TSHZ1: variants seen among roughly 807,000 people sequenced by gnomAD.
TSHZ1 encodes teashirt homolog 1.
TSHZ1 carries 12 observed loss-of-function variants against 67.1 expected under a neutral mutation model. The observed-to-expected ratio is 0.18, with a 90% CI of 0.11 to 0.29. TSHZ1 has a LOEUF of 0.29. TSHZ1 is among the 10% of genes least tolerant of loss of function. The pLI, the probability that TSHZ1 is intolerant of heterozygous loss-of-function variation, is 1.00. For missense variants in TSHZ1, 1,305 were observed against 1,413.9 expected (o/e 0.92, Z 1.23); for synonymous variants, 632 against 622.4 (o/e 1.02, Z -0.23).
At position 75,218,689 on chromosome 18, in the gene TSHZ1, G is replaced by A. The variant is rs1866731; in HGVS notation, c.40+6773G>A. On this transcript the variant is annotated intron_variant, in intron 1 of 1. Transcript: ENST00000580243. ...TTCCACCCTAGCAGCCTGCACCCAC[G>A]TCAGTTCTTATTGTTTTCTTGGTTC... 4.4e-3 allele frequency among the ~76,000 whole-genome samples: 663 copies of A among 152,334 alleles called. 7 individuals are homozygous for A. The highest frequency in any genetic ancestry group is 0.013 in the African/African-American group (520 of 41,580).
Position 75,288,086 on chromosome 18 carries a change from C to T in TSHZ1, c.2679C>T (p.Asn893=), listed in dbSNP as rs2122628127. 3 of 1,613,560 alleles carry T rather than the reference C, an allele frequency of 1.9e-6. No individual in the cohort carries two copies. The highest frequency in any genetic ancestry group is 2.5e-6 in the Non-Finnish European group (3 of 1,179,992). The change falls in exon 2 of 2, where the codon AAC becomes AAT. Residue 893 remains asparagine, a synonymous_variant. Transcript: ENST00000580243. The surrounding 1 kb of genome is among the most constrained non-coding windows in gnomAD (Gnocchi z 4.9). ...GGAAGGGCCGGCAGTCCAACTGGAA[C>T]CCGCAGCACCTTCTCATCCTGCAGG... is the stretch of plus-strand genomic sequence containing the variant. The part of the protein sequence containing the change: ...HKRKGRQSNW[N]PQHLLILQAQ...
intron 1 of TSHZ1, among the ~76,000 whole-genome samples, chr18:75,245,992 C>T (rs2023216784): frequency 2.0e-5 from 3 of 152,176 alleles, no homozygotes; most frequent in Non-Finnish European, 2.9e-5. Context: ...CAAATAAGTG[C>T]CAGGGGAGCG....
rs776426456 is a variant in TSHZ1, at chr18:75,285,702, G to T, written c.295G>T (p.Asp99Tyr). Residue 99 changes from aspartate (D) to tyrosine (Y), a missense_variant, in exon 2 of 2, where the codon GAT becomes TAT. Physicochemically the swap from Asp to Tyr is radical, Grantham distance 160. This residue lies in a region of TSHZ1 where 358 missense variants were observed against 375.6 expected (regional missense o/e 0.95). Coordinates refer to ENST00000580243, the MANE Select transcript of TSHZ1 (RefSeq NM_001308210.2). ...KGSSSREEKE[D>Y]PQCPDSVSYP... ...CTCTTCCTCTCGAGAAGAGAAGGAGGATCCGCAGTGTCCCGACAGCGTCTC... is the reference window on the plus strand; with the variant it reads ...CTCTTCCTCTCGAGAAGAGAAGGAGTATCCGCAGTGTCCCGACAGCGTCTC... 1.2e-6 allele frequency: 2 copies of T among 1,614,102 alleles called. No homozygotes were observed. Among genetic ancestry groups the T allele is most frequent in the Non-Finnish European group, 8.5e-7 (1 of 1,179,996 alleles).
chr18:75,250,511 T>C (rs7226918), intron 1 of TSHZ1, among the ~76,000 whole-genome samples: 114,779 of 151,800 alleles, frequency 0.76, 43,704 homozygotes, highest in South Asian at 0.84. Flanking sequence ...GACGGGGCGG[T>C]GCGGGCTGGC....
intron 1 of TSHZ1, among the ~76,000 whole-genome samples, chr18:75,260,170 C>A (rs2023413003): frequency 6.6e-6 from 1 of 152,266 alleles, no homozygotes; most frequent in South Asian, 2.1e-4. Flanking sequence ...TGCCCCAGGC[C>A]AGCCTCTTAG....
At chr18:75,264,970 A>G (rs2023473079) in intron 1 of TSHZ1, among the ~76,000 whole-genome samples, 1 of 152,312 alleles carries the variant, frequency 6.6e-6, no homozygotes, top group East Asian at 1.9e-4. Flanking sequence ...AGCACAAAAC[A>G]AGTGTTATTA....
At position 75,289,073 on chromosome 18, in the gene TSHZ1, A is replaced by G. The variant is rs916508406; in HGVS notation, c.*432A>G. On this transcript the variant is annotated 3_prime_UTR_variant, in exon 2 of 2. Coordinates refer to ENST00000580243, the MANE Select transcript of TSHZ1 (RefSeq NM_001308210.2). ...TTGCATTTCTGTGCCTTTCACTTGA[A>G]AAAAAAAAAAGAAGAAAAAAAGGCT... The G allele has an allele frequency of 6.1e-6, 1 of 163,956 alleles. No individual in the cohort carries two copies. The highest frequency in any genetic ancestry group is 2.4e-5 in the African/African-American group (1 of 40,900). 10.2% of individuals were successfully genotyped at this position (163,956 alleles called of 1,614,324 possible).
At chr18:75,246,403 G>GGTGTGTGTGTGTGTGTGT (rs74178999) in intron 1 of TSHZ1, among the ~76,000 whole-genome samples, 9,078 of 108,284 alleles carry the variant, frequency 0.084, 957 homozygotes, top group Non-Finnish European at 0.097. Context: ...TTTGGTTTCT[G>GGTGTGTGTGTGTGTGTGT]GTGTGTGTGT....
At chr18:75,278,358 G>T (rs2023640839) in intron 1 of TSHZ1, among the ~76,000 whole-genome samples, 1 of 152,340 alleles carries the variant, frequency 6.6e-6, no homozygotes, top group South Asian at 2.1e-4. Flanking sequence ...TAGTACGGAG[G>T]CCAAGGTGCT....
intron 1 of TSHZ1, among the ~76,000 whole-genome samples, chr18:75,248,160 C>T (rs2023247547): frequency 6.6e-6 from 1 of 152,186 alleles, no homozygotes; most frequent in Non-Finnish European, 1.5e-5. Context: ...CTGTATCCAT[C>T]AGGCAGACAA....
chr18:75,231,401 G>C (rs2022997151), intron 1 of TSHZ1, among the ~76,000 whole-genome samples: 1 of 152,350 alleles, frequency 6.6e-6, no homozygotes, highest in African/African-American at 2.4e-5. Context: ...CTTCTCCCCA[G>C]ATCTTTGTAT....
At chr18:75,243,035 C>T (rs1287807395) in intron 1 of TSHZ1, among the ~76,000 whole-genome samples, 5 of 152,092 alleles carry the variant, frequency 3.3e-5, no homozygotes, top group Admixed American at 6.5e-5. Context: ...GGGATGGGGC[C>T]GGTGAGGTCT....
In TSHZ1 at chr18:75,287,178, C is replaced by G. The variant is rs747435496; in HGVS notation, c.1771C>G (p.Pro591Ala). ...AAYQLPGTVKPLPAAVQSVQV... is the reference protein window; with the variant it reads ...AAYQLPGTVKALPAAVQSVQV... ...CTACCAGCTCCCGGGCACCGTGAAG[C>G]CACTGCCGGCGGCCGTGCAGAGCGT... The change falls in exon 2 of 2, where the codon CCA becomes GCA. Residue 591 changes from proline to alanine, a missense_variant. This residue lies in a region of TSHZ1 where 909 missense variants were observed against 961.8 expected (regional missense o/e 0.95). Transcript: ENST00000580243. This position sits in a 1 kb window ranked among gnomAD's most constrained non-coding sequence, Gnocchi z 5.0. 11 of 1,613,560 alleles carry G rather than the reference C, an allele frequency of 6.8e-6. No individual in the cohort carries two copies. Among genetic ancestry groups the G allele is most frequent in the East Asian group, 2.2e-5 (1 of 44,872 alleles).
At chr18:75,235,321 C>T (rs9949463) in intron 1 of TSHZ1, among the ~76,000 whole-genome samples, 6,817 of 152,230 alleles carry the variant, frequency 0.045, 223 homozygotes, top group African/African-American at 0.095. Flanking sequence ...GCCGGTCGTA[C>T]GTTGATGCCA....
Position 75,285,676 on chromosome 18 carries a change from G to A in TSHZ1, c.269G>A (p.Gly90Asp). 2 of 1,614,064 alleles carry A rather than the reference G, an allele frequency of 1.2e-6. No individual in the cohort carries two copies. Among genetic ancestry groups the A allele is most frequent in the Non-Finnish European group, 1.7e-6 (2 of 1,180,012 alleles). The change falls in exon 2 of 2, where the codon GGC (glycine) becomes GAC (aspartate). Residue 90 changes from glycine to aspartate, a missense_variant. Gly to Asp is a moderately conservative substitution (Grantham distance 94, BLOSUM62 -1). Around this residue, in one of 3 missense-constraint regions of TSHZ1, gnomAD observed 358 missense variants for 375.6 expected, o/e 0.95. Coordinates refer to ENST00000580243, the MANE Select transcript of TSHZ1 (RefSeq NM_001308210.2). Reference protein sequence around the residue: ...ESSDQLAHFKGSSSREEKEDP... With the variant: ...ESSDQLAHFKDSSSREEKEDP... ...AGCGACCAGCTAGCCCATTTCAAAGGCTCTTCCTCTCGAGAAGAGAAGGAG... is the reference window on the plus strand; with the variant it reads ...AGCGACCAGCTAGCCCATTTCAAAGACTCTTCCTCTCGAGAAGAGAAGGAG...
chr18:75,213,562 G>A (rs1030010947), intron 1 of TSHZ1, among the ~76,000 whole-genome samples: 4 of 151,830 alleles, frequency 2.6e-5, no homozygotes, highest in African/African-American at 9.7e-5. Flanking sequence ...AAATTGCGGT[G>A]AATATTTCCA....
At chr18:75,239,166 G>A (rs980134295) in intron 1 of TSHZ1, among the ~76,000 whole-genome samples, 19 of 152,264 alleles carry the variant, frequency 1.2e-4, no homozygotes, top group African/African-American at 4.6e-4. Flanking sequence ...CCAGGGCTCT[G>A]GAAGGGCCAG....
At chr18:75,226,091 A>G (rs186295933) in intron 1 of TSHZ1, among the ~76,000 whole-genome samples, 3 of 152,354 alleles carry the variant, frequency 2.0e-5, no homozygotes, top group African/African-American at 7.2e-5. Flanking sequence ...CATATTTTCA[A>G]GGCAAAATCT....
chr18:75,218,536 T>C (rs2022802657), intron 1 of TSHZ1, among the ~76,000 whole-genome samples: 1 of 152,202 alleles, frequency 6.6e-6, no homozygotes, highest in African/African-American at 2.4e-5. Flanking sequence ...TCTAGAACAA[T>C]CTTCTACGAG....
Sources: gnomAD v4.1 joint callset for allele counts (sites outside exome capture counted in the v4.1 genomes callset) on GRCh38, gnomAD v4.1.1 for gene constraint, gnomAD v4.1.1 regional missense constraint, Gnocchi (gnomAD v3.1) non-coding constraint, MANE v1.5 for transcripts, NCBI Gene and HGNC (gene_info 2026-07-23, HGNC 2026-07-21) for gene names.